Variants in PRKCE observed in about 807,000 individuals in gnomAD.
PRKCE encodes protein kinase C epsilon, also known as protein kinase C epsilon type.
Under a neutral mutation model 85.4 loss-of-function variants are expected in PRKCE, and 16 were observed. That is an observed-to-expected ratio of 0.19 (90% CI 0.13 to 0.28). PRKCE has a LOEUF of 0.28. Among genes scored for constraint, PRKCE ranks in the 10% least tolerant of loss-of-function variants. The pLI is 1.00. For missense variants in PRKCE, 573 were observed against 975.2 expected (o/e 0.59, Z 5.49); for synonymous variants, 388 against 371.5 (o/e 1.04, Z -0.51).
chr2:46,045,166 C>G (rs1243241152), intron 10 of PRKCE, among the ~76,000 whole-genome samples: 1 of 152,038 alleles, frequency 6.6e-6, no homozygotes, highest in Non-Finnish European at 1.5e-5. Flanking sequence ...CCACATATAG[C>G]AAAAATAGGA....
At chr2:46,133,756 C>A (rs1446107570) in intron 11 of PRKCE, among the ~76,000 whole-genome samples, 1 of 152,158 alleles carries the variant, frequency 6.6e-6, no homozygotes. Flanking sequence ...TCTGTGAACA[C>A]GAAGGCACCA....
At chr2:46,099,758 C>A (rs1246216772) in intron 11 of PRKCE, among the ~76,000 whole-genome samples, 4 of 152,116 alleles carry the variant, frequency 2.6e-5, no homozygotes, top group Non-Finnish European at 5.9e-5. Flanking sequence ...AACCTATTTA[C>A]ATTTATCGAG....
intron 14 of PRKCE, among the ~76,000 whole-genome samples, chr2:46,171,159 C>T (rs1678855659): frequency 6.6e-6 from 1 of 152,220 alleles, no homozygotes; most frequent in Admixed American, 6.5e-5. Flanking sequence ...GGCCAGCTCA[C>T]TGCAGGGCCT....
intron 1 of PRKCE, among the ~76,000 whole-genome samples, chr2:45,740,693 A>G (rs1445519372): frequency 6.6e-6 from 1 of 152,190 alleles, no homozygotes; most frequent in East Asian, 1.9e-4. Flanking sequence ...TCATCTCATT[A>G]CAATCTGAGC....
At chr2:46,007,428 C>T (rs754452538) in intron 8 of PRKCE, 34 bp from the exon 9 acceptor site, 18 of 1,592,828 alleles carry the variant, frequency 1.1e-5, no homozygotes, top group Middle Eastern at 3.3e-4. Context: ...AAGAGGTATG[C>T]ACTAATGCAA....
chr2:45,966,714 GAC>G lies in PRKCE; in HGVS notation c.413-9713_413-9712del, dbSNP rs1038840885. 5.3e-5 allele frequency among the ~76,000 whole-genome samples: 8 copies of G among 152,186 alleles called. No homozygotes were observed. The South Asian group carries it at 8.3e-4, about 16-fold the overall frequency. On this transcript the variant is annotated intron_variant, in intron 2 of 14. Coordinates refer to ENST00000306156, the MANE Select transcript of PRKCE (RefSeq NM_005400.3). ...GTTCCTTGCCCAGCCCAGTCTTTCT[GAC>G]AGTTTTCCCGGTCCTAAAGCCTTGT...
chr2:45,815,268 A>G (rs944174911), intron 1 of PRKCE, among the ~76,000 whole-genome samples: 4 of 152,172 alleles, frequency 2.6e-5, no homozygotes, highest in Non-Finnish European at 4.4e-5. Flanking sequence ...GTTTATCCAG[A>G]AATAATTTGA....
intron 1 of PRKCE, among the ~76,000 whole-genome samples, chr2:45,662,487 C>T (rs1572880241): frequency 6.6e-6 from 1 of 151,960 alleles, no homozygotes; most frequent in Non-Finnish European, 1.5e-5. Flanking sequence ...TCAGGTGACT[C>T]CTATTAATTT....
intron 10 of PRKCE, among the ~76,000 whole-genome samples, chr2:46,053,382 C>G (rs1162142975): frequency 6.6e-6 from 1 of 152,174 alleles, no homozygotes; most frequent in African/African-American, 2.4e-5. Flanking sequence ...CAGTTTTAAG[C>G]CTACAGTTCT....
chr2:46,181,410 C>T (rs1486968625), intron 14 of PRKCE, among the ~76,000 whole-genome samples: 1 of 152,104 alleles, frequency 6.6e-6, no homozygotes, highest in Admixed American at 6.5e-5. Context: ...GATGGGTGAG[C>T]CAAGTCTGTA....
At chr2:45,672,443 C>T (rs1676220069) in intron 1 of PRKCE, among the ~76,000 whole-genome samples, 1 of 152,220 alleles carries the variant, frequency 6.6e-6, no homozygotes, top group Non-Finnish European at 1.5e-5. Flanking sequence ...TCCATCCATC[C>T]ATCCAGCCAG....
Position 46,133,876 on chromosome 2 carries a change from G to C in PRKCE, c.1593-11217G>C, listed in dbSNP as rs531893215. On this transcript the variant is annotated intron_variant, in intron 11 of 14. Transcript: ENST00000306156. Reference sequence around the variant, plus strand: ...AGGAGCTGACCAAAGTGCTGTGACTGACATTAAAGGAAGGGTTGGGGGTGG... The same window carrying C: ...AGGAGCTGACCAAAGTGCTGTGACTCACATTAAAGGAAGGGTTGGGGGTGG... Among the ~76,000 whole-genome samples the C allele has an allele frequency of 5.9e-5, 9 of 152,316 alleles. No individual in the cohort carries two copies. In the East Asian group the frequency reaches 1.7e-3, roughly 29 times the overall value.
chr2:46,057,945 G>GT (rs1472542536), intron 10 of PRKCE, among the ~76,000 whole-genome samples: 15 of 152,184 alleles, frequency 9.9e-5, no homozygotes, highest in Non-Finnish European at 1.5e-4. Context: ...TGAAGTGAAG[G>GT]AAAGGCAAAA....
At chr2:45,959,507 G>A (rs561398459) in intron 2 of PRKCE, among the ~76,000 whole-genome samples, 19 of 152,294 alleles carry the variant, frequency 1.2e-4, no homozygotes, top group African/African-American at 4.6e-4. Flanking sequence ...TTAAAAAACA[G>A]AAGCATTAAT....
At chr2:45,834,269 A>C (rs1690668364) in intron 1 of PRKCE, among the ~76,000 whole-genome samples, 1 of 152,216 alleles carries the variant, frequency 6.6e-6, no homozygotes, top group Non-Finnish European at 1.5e-5. Flanking sequence ...GCAGTGTTTC[A>C]GCCAGTTTTG....
intron 6 of PRKCE, among the ~76,000 whole-genome samples, chr2:45,987,870 T>G (rs897999322): frequency 7.2e-5 from 11 of 152,186 alleles, no homozygotes; most frequent in African/African-American, 2.7e-4. Context: ...CCTTACCCTG[T>G]GGAGAGGGGT....
At chr2:45,845,813 C>T (rs1573585271) in intron 2 of PRKCE, 1 of 152,126 alleles carries the variant, frequency 6.6e-6, no homozygotes, top group Non-Finnish European at 1.5e-5. Context: ...TTGGCTAAAC[C>T]AGCCATCCTA....
At chr2:46,022,749 G>A (rs1007091776) in intron 10 of PRKCE, among the ~76,000 whole-genome samples, 3 of 152,200 alleles carry the variant, frequency 2.0e-5, no homozygotes, top group Non-Finnish European at 4.4e-5. Flanking sequence ...GCACACAGAA[G>A]GTTCAATAAA....
intron 11 of PRKCE, among the ~76,000 whole-genome samples, chr2:46,121,388 G>A (rs1196906490): frequency 6.6e-6 from 1 of 152,192 alleles, no homozygotes; most frequent in Non-Finnish European, 1.5e-5. Context: ...CATGATCTGA[G>A]GTGGGCCCCA....
Sources: allele counts gnomAD v4.1 joint callset (sites outside exome capture counted in the v4.1 genomes callset), GRCh38; gene constraint gnomAD v4.1.1; transcripts MANE v1.5; gene names NCBI Gene and HGNC (gene_info 2026-07-23, HGNC 2026-07-21).